TMPRSS15: variants seen among roughly 807,000 people sequenced by gnomAD.
The protein encoded by TMPRSS15 is enteropeptidase.
In TMPRSS15, 128 loss-of-function variants were observed where a neutral mutation model predicts 125.3. The ratio of observed to expected loss-of-function variants is 1.02; its 90% CI spans 0.89 to 1.18. TMPRSS15 has a LOEUF of 1.18. TMPRSS15 is among the 50% of genes most tolerant of loss of function. The pLI is 0.00. For missense variants in TMPRSS15, 1,283 were observed against 1,212.7 expected (o/e 1.06, Z -0.86); for synonymous variants, 446 against 423.2 (o/e 1.05, Z -0.66).
chr21:18,407,867 G>A (rs2076156494), upstream of TMPRSS15, among the ~76,000 whole-genome samples: 1 of 152,118 alleles, frequency 6.6e-6, no homozygotes, highest in South Asian at 2.1e-4. Context: ...GGCAAATAAA[G>A]AGAATATACA....
intron 1 of TMPRSS15, among the ~76,000 whole-genome samples, chr21:18,413,194 G>A (rs1244462842): frequency 1.3e-5 from 2 of 150,990 alleles, no homozygotes; most frequent in East Asian, 2.0e-4. Context: ...TCCCCTTCCT[G>A]CCTTCCCTCC....
chr21:18,426,336 C>A (rs561273592), intron 1 of TMPRSS15, among the ~76,000 whole-genome samples: 2 of 152,222 alleles, frequency 1.3e-5, no homozygotes, highest in East Asian at 3.9e-4. Flanking sequence ...ATTCAGAATT[C>A]CAGCTCAGGC....
intron 1 of TMPRSS15, among the ~76,000 whole-genome samples, chr21:18,443,064 G>A (rs866148686): frequency 6.6e-6 from 1 of 152,074 alleles, no homozygotes; most frequent in Non-Finnish European, 1.5e-5. Flanking sequence ...ACTATCCATG[G>A]ACACTTTGCA....
chr21:18,281,017 T>G (rs752734780), intron 22 of TMPRSS15, 23 bp downstream of exon 22: 5 of 1,599,724 alleles, frequency 3.1e-6, no homozygotes, highest in Non-Finnish European at 4.2e-6. Flanking sequence ...ATAAGATGAC[T>G]AAGAGTGATT....
intron 10 of TMPRSS15, among the ~76,000 whole-genome samples, chr21:18,350,830 G>A (rs1245996125): frequency 6.6e-6 from 1 of 151,536 alleles, no homozygotes; most frequent in Non-Finnish European, 1.5e-5. Context: ...AGAAAATTTG[G>A]TTTATTTTGT....
chr21:18,297,826 A>G lies in TMPRSS15; in HGVS notation c.2169T>C (p.Ser723=). 1 of 1,609,062 alleles carries G rather than the reference A, an allele frequency of 6.2e-7. No individual in the cohort carries two copies. Among genetic ancestry groups the G allele is most frequent in the Non-Finnish European group, 8.5e-7 (1 of 1,175,616 alleles). ...GGAAGATTGGCTTTGATGAGTTTCC[A>G]CTCCTAGAGAAAAAAGAAAAAAGCA... ...NDVCQLLGLG[S]GNSSKPIFPT... is the part of the protein sequence containing the mutation. The change falls in exon 19 of 25, where the codon AGT becomes AGC. Residue 723 remains serine, a synonymous_variant. Transcript: ENST00000284885.
At chr21:18,347,665 C>T (rs1250468859) in intron 10 of TMPRSS15, among the ~76,000 whole-genome samples, 2 of 152,116 alleles carry the variant, frequency 1.3e-5, no homozygotes, top group African/African-American at 4.8e-5. Context: ...ATTTTTGTTA[C>T]AGATTTGCTT....
chr21:18,280,595 A>AC (rs1568979296), intron 22 of TMPRSS15, among the ~76,000 whole-genome samples: 4 of 126,956 alleles, frequency 3.2e-5, no homozygotes, highest in African/African-American at 1.1e-4. Context: ...AAAAAAAAAA[A>AC]CAACAAAACA....
chr21:18,428,154 A>C (rs1294956284), intron 1 of TMPRSS15, among the ~76,000 whole-genome samples: 2 of 152,194 alleles, frequency 1.3e-5, no homozygotes, highest in Non-Finnish European at 2.9e-5. Flanking sequence ...TTCTTTTAGA[A>C]TTGTTTAAAG....
In TMPRSS15 at chr21:18,269,931, A is replaced by C. The variant is rs991971504; in HGVS notation, c.*38T>G. Reference sequence around the variant, plus strand: ...TCCATGCTTTCTAGAGTAGAATGGGAAAATAATGCGACTTTCCTGTTTAGT... The same window carrying C: ...TCCATGCTTTCTAGAGTAGAATGGGCAAATAATGCGACTTTCCTGTTTAGT... On this transcript the variant is annotated 3_prime_UTR_variant, in exon 25 of 25. Transcript: ENST00000284885. 6.2e-7 allele frequency: 1 copy of C among 1,611,302 alleles called. No homozygotes were observed.
chr21:18,323,154 G>T (rs1288122051), intron 16 of TMPRSS15, among the ~76,000 whole-genome samples: 1 of 152,092 alleles, frequency 6.6e-6, no homozygotes, highest in African/African-American at 2.4e-5. Context: ...GGGGTTTAAA[G>T]ACCTACTTTT....
intron 1 of TMPRSS15, among the ~76,000 whole-genome samples, chr21:18,455,139 G>A (rs1978414653): frequency 6.6e-6 from 1 of 152,142 alleles, no homozygotes; most frequent in South Asian, 2.1e-4. Flanking sequence ...ATGTGAAGAA[G>A]GACCTGTTTG....
At chr21:18,439,220 C>G (rs952178828) in intron 1 of TMPRSS15, among the ~76,000 whole-genome samples, 4 of 152,022 alleles carry the variant, frequency 2.6e-5, no homozygotes, top group African/African-American at 9.7e-5. Context: ...TGAAGTAGTT[C>G]ATTATATTTA....
At chr21:18,432,195 G>A (rs944516693) in intron 1 of TMPRSS15, among the ~76,000 whole-genome samples, 1 of 152,062 alleles carries the variant, frequency 6.6e-6, no homozygotes, top group East Asian at 1.9e-4. Context: ...CCTACTTGGA[G>A]GCCTCTTATT....
At chr21:18,434,882 T>C (rs1230974690) in intron 1 of TMPRSS15, among the ~76,000 whole-genome samples, 2 of 150,402 alleles carry the variant, frequency 1.3e-5, no homozygotes, top group African/African-American at 4.8e-5. Context: ...TATAATTTGA[T>C]TGGACAAATT....
At chr21:18,358,688 T>C (rs2075649655) in intron 8 of TMPRSS15, among the ~76,000 whole-genome samples, 1 of 151,994 alleles carries the variant, frequency 6.6e-6, no homozygotes, top group African/African-American at 2.4e-5. Flanking sequence ...TGTGAACTTA[T>C]GGTAATTTAA....
At chr21:18,456,240 T>C (rs184376405) in intron 1 of TMPRSS15, among the ~76,000 whole-genome samples, 49 of 152,272 alleles carry the variant, frequency 3.2e-4, no homozygotes, top group Non-Finnish European at 5.9e-4. Context: ...CTTTCTCCTT[T>C]AGGAGATTCC....
At chr21:18,424,781 A>C (rs2076199047) in intron 1 of TMPRSS15, among the ~76,000 whole-genome samples, 1 of 151,500 alleles carries the variant, frequency 6.6e-6, no homozygotes, top group Non-Finnish European at 1.5e-5. Context: ...AGATTAGAAG[A>C]AAGCAAGAAC....
At chr21:18,344,449 T>C (rs1569022014) in intron 10 of TMPRSS15, among the ~76,000 whole-genome samples, 2 of 152,220 alleles carry the variant, frequency 1.3e-5, no homozygotes, top group South Asian at 2.1e-4. Context: ...ACTCAGAATA[T>C]ACACATATAT....
Sources: allele counts gnomAD v4.1 joint callset (sites outside exome capture counted in the v4.1 genomes callset), GRCh38; gene constraint gnomAD v4.1.1; transcripts MANE v1.5; gene names NCBI Gene and HGNC (gene_info 2026-07-23, HGNC 2026-07-21).